Variants in THSD4 observed in about 807,000 individuals in gnomAD.
THSD4 encodes the protein thrombospondin type-1 domain-containing protein 4.
A neutral mutation model predicts 119.0 loss-of-function variants in THSD4; 69 were observed. The observed-to-expected ratio is 0.58, with a 90% CI of 0.48 to 0.71. The LOEUF is 0.71. Ranked by LOEUF, THSD4 falls within the 30% of genes least tolerant of loss-of-function variation. The probability of loss-of-function intolerance (pLI) is 0.00; values close to 1 mark genes in which losing one functional copy is unlikely to be tolerated. For synonymous variants in THSD4, 524 were observed against 540.4 expected (o/e 0.97, Z 0.42); for missense variants, 1,393 against 1,391.1 (o/e 1.00, Z -0.02).
chr15:71,743,080 A>G (rs1419021886), intron 11 of THSD4, among the ~76,000 whole-genome samples: 2 of 152,078 alleles, frequency 1.3e-5, no homozygotes, highest in Non-Finnish European at 1.5e-5. Context: ...AGATTTGTAG[A>G]TCTGGCATTT....
In THSD4 at chr15:71,535,745, T is replaced by A. The variant is rs183705930; in HGVS notation, c.1152+123922T>A. On this transcript the variant is annotated intron_variant, in intron 7 of 17. Coordinates refer to ENST00000261862, the MANE Select transcript of THSD4 (RefSeq NM_024817.3). ...ATTTGTATGTTTTTTCCTGGAGAAA[T>A]GTCTATTCAAACCTTTTGCCCATTT... 3.9e-4 allele frequency among the ~76,000 whole-genome samples: 60 copies of A among 152,352 alleles called. 1 individual carries two copies. The East Asian group carries it at 7.1e-3, about 18-fold the overall frequency.
chr15:71,233,870 A>G (rs1449495678), intron 4 of THSD4, among the ~76,000 whole-genome samples: 1 of 152,182 alleles, frequency 6.6e-6, no homozygotes, highest in Admixed American at 6.5e-5. Context: ...TTCAGGGTTT[A>G]TGTTCAGCTC....
At chr15:71,577,284 C>T (rs1397598447) in intron 7 of THSD4, among the ~76,000 whole-genome samples, 1 of 152,198 alleles carries the variant, frequency 6.6e-6, no homozygotes, top group African/African-American at 2.4e-5. Context: ...TGCTGATTGA[C>T]TAATCCACTG....
At chr15:71,239,198 G>T (rs1426908830) in intron 4 of THSD4, among the ~76,000 whole-genome samples, 1 of 152,196 alleles carries the variant, frequency 6.6e-6, no homozygotes, top group Non-Finnish European at 1.5e-5. Context: ...CTATTATTGT[G>T]TTTATTTGTA....
intron 2 of THSD4, among the ~76,000 whole-genome samples, chr15:71,144,615 T>G (rs1489945406): frequency 6.6e-6 from 1 of 152,182 alleles, no homozygotes; most frequent in African/African-American, 2.4e-5. Context: ...AGATTTCATT[T>G]AAAAACCCCT....
At chr15:71,235,373 T>C (rs927500155) in intron 4 of THSD4, among the ~76,000 whole-genome samples, 6 of 152,214 alleles carry the variant, frequency 3.9e-5, no homozygotes, top group African/African-American at 1.4e-4. Flanking sequence ...ATGGACATTA[T>C]TCATTAGACA....
At chr15:71,148,242 G>A (rs1359002044) in intron 2 of THSD4, among the ~76,000 whole-genome samples, 1 of 152,198 alleles carries the variant, frequency 6.6e-6, no homozygotes, top group Non-Finnish European at 1.5e-5. Flanking sequence ...GACCAAGGCA[G>A]ATCCAGAGGG....
chr15:71,664,339 T>G (rs2051373484), intron 8 of THSD4, among the ~76,000 whole-genome samples: 1 of 152,110 alleles, frequency 6.6e-6, no homozygotes, highest in Non-Finnish European at 1.5e-5. Flanking sequence ...GTTTCCAGAA[T>G]TACCTTTAGT....
intron 6 of THSD4, among the ~76,000 whole-genome samples, chr15:71,279,555 T>G (rs1281794704): frequency 1.3e-5 from 2 of 152,176 alleles, no homozygotes; most frequent in African/African-American, 4.8e-5. Flanking sequence ...CTTCTGCATA[T>G]GTTCTTGTGG....
At chr15:71,580,367 G>T (rs2049535186) in intron 7 of THSD4, among the ~76,000 whole-genome samples, 1 of 152,114 alleles carries the variant, frequency 6.6e-6, no homozygotes, top group African/African-American at 2.4e-5. Context: ...ATTGACAAAT[G>T]ATAATTGTAT....
intron 7 of THSD4, among the ~76,000 whole-genome samples, chr15:71,565,316 A>C (rs1045228729): frequency 1.3e-5 from 2 of 152,184 alleles, no homozygotes; most frequent in Non-Finnish European, 2.9e-5. Context: ...GTAGGTAAAA[A>C]TCATAAGCGA....
At chr15:71,199,891 GTAT>G (rs879383383) in intron 3 of THSD4, among the ~76,000 whole-genome samples, 10,943 of 56,266 alleles carry the variant, frequency 0.19, 114 homozygotes, top group Non-Finnish European at 0.34. Context: ...TGCATGTGTG[GTAT>G]GTGTGTGTGG....
At chr15:71,673,416 T>C (rs2051573880) in intron 8 of THSD4, among the ~76,000 whole-genome samples, 1 of 152,244 alleles carries the variant, frequency 6.6e-6, no homozygotes. Flanking sequence ...TCTAACAATT[T>C]TATCAGTCTT....
At chr15:71,531,208 GCTAAGGACTTCTTAAATTCAGAC>G (rs1295403308) in intron 7 of THSD4, among the ~76,000 whole-genome samples, 1 of 152,126 alleles carries the variant, frequency 6.6e-6, no homozygotes, top group Non-Finnish European at 1.5e-5. Flanking sequence ...TCTGGGCCTG[GCTAAGGACTTCTTAAATTCAGAC>G]CTAAGGACTT....
chr15:71,664,879 T>G (rs192166672), intron 8 of THSD4, among the ~76,000 whole-genome samples: 6 of 152,366 alleles, frequency 3.9e-5, no homozygotes, highest in African/African-American at 1.4e-4. Flanking sequence ...CACATTTTCT[T>G]TCTCTCATCT....
chr15:71,378,029 G>A (rs574981108), intron 6 of THSD4, among the ~76,000 whole-genome samples: 4 of 152,200 alleles, frequency 2.6e-5, no homozygotes, highest in East Asian at 1.9e-4. Context: ...CTGAGATGTC[G>A]GGAAGAAATT....
At chr15:71,141,373 G>T in intron 1 of THSD4, 76 bp from the exon 2 acceptor site, 1 of 768,830 alleles carries the variant, frequency 1.3e-6, no homozygotes, top group Non-Finnish European at 2.0e-6. Flanking sequence ...CTCATTTCTG[G>T]TTTTGTTGAC....
At chr15:71,600,983 G>T (rs183534541) in intron 7 of THSD4, among the ~76,000 whole-genome samples, 165 of 152,194 alleles carry the variant, frequency 1.1e-3, no homozygotes, top group African/African-American at 2.7e-3. Context: ...CTGACCCCAG[G>T]TGATCCACCC....
chr15:71,455,135 G>T (rs1470570727), intron 7 of THSD4, among the ~76,000 whole-genome samples: 1 of 152,210 alleles, frequency 6.6e-6, no homozygotes, highest in Admixed American at 6.5e-5. Flanking sequence ...GTGGCTGTGT[G>T]TATTTGTTGG....
Sources: allele counts gnomAD v4.1 joint callset (sites outside exome capture counted in the v4.1 genomes callset), GRCh38; gene constraint gnomAD v4.1.1; transcripts MANE v1.5; gene names NCBI Gene and HGNC (gene_info 2026-07-23, HGNC 2026-07-21).